The following GPC1 variants were observed in gnomAD, a reference collection of about 807,000 sequenced individuals.
The protein encoded by GPC1 is glypican 1.
GPC1 carries 26 observed loss-of-function variants against 51.5 expected under a neutral mutation model. The observed-to-expected ratio is 0.50, with a 90% CI of 0.37 to 0.70. GPC1 has a LOEUF of 0.70. Ranked by LOEUF, GPC1 falls within the 30% of genes least tolerant of loss-of-function variation. The probability of loss-of-function intolerance (pLI) is 0.00; values close to 1 mark genes in which losing one functional copy is unlikely to be tolerated. For synonymous variants in GPC1, 380 were observed against 348.3 expected, an observed-to-expected ratio of 1.09 and a Z score of -1.01; for missense variants, 775 against 800.5, an observed-to-expected ratio of 0.97 and a Z score of 0.38.
At position 240,448,049 on chromosome 2, in the gene GPC1, G is replaced by A. The variant is rs2074063621; in HGVS notation, c.167-10981G>A. ...CTGGGTGGAACACAGTGTCCCCAGGGCACAGTGACAGTGGAACGGCCGGAG... is the reference window on the plus strand; with the variant it reads ...CTGGGTGGAACACAGTGTCCCCAGGACACAGTGACAGTGGAACGGCCGGAG... On this transcript the variant is annotated intron_variant, in intron 1 of 8. Coordinates refer to ENST00000264039, the MANE Select transcript of GPC1 (RefSeq NM_002081.3). The surrounding 1 kb of genome is among the most constrained non-coding windows in gnomAD (Gnocchi z 4.5). Among the ~76,000 whole-genome samples, 1 of 152,154 alleles carries A rather than the reference G, an allele frequency of 6.6e-6. No individual in the cohort carries two copies. Among genetic ancestry groups the A allele is most frequent in the Admixed American group, 6.5e-5 (1 of 15,292 alleles).
At chr2:240,451,202 C>T (rs529593246) in intron 1 of GPC1, 128 of 471,194 alleles carry the variant, frequency 2.7e-4, no homozygotes, top group South Asian at 1.3e-3. Context: ...CTCTGGGATC[C>T]GGCCCAGCCT....
chr2:240,447,687 C>A (rs781520999), intron 1 of GPC1, among the ~76,000 whole-genome samples: 1 of 152,230 alleles, frequency 6.6e-6, no homozygotes, highest in Non-Finnish European at 1.5e-5. Flanking sequence ...GGCTCCACAC[C>A]GGCTGTGTGC....
At chr2:240,438,693 G>A (rs1463559146) in intron 1 of GPC1, among the ~76,000 whole-genome samples, 8 of 152,204 alleles carry the variant, frequency 5.3e-5, no homozygotes, top group Non-Finnish European at 1.0e-4. Context: ...CTGCCCCAGG[G>A]ACCAGAAAAG....
chr2:240,455,025 C>A, intron 1 of GPC1: 1 of 194,888 alleles, frequency 5.1e-6, no homozygotes, highest in Non-Finnish European at 1.2e-5. Context: ...TAAAAGGTAT[C>A]CAAAGTTAAG....
chr2:240,464,420 G>C, intron 4 of GPC1, 196 bp from the exon 5 acceptor site: 1 of 630,470 alleles, frequency 1.6e-6, no homozygotes, highest in African/African-American at 1.8e-5. Context: ...TGCACACGTG[G>C]GTGTGGGCCA....
intron 1 of GPC1, among the ~76,000 whole-genome samples, chr2:240,439,539 G>T (rs2074004723): frequency 6.6e-6 from 1 of 152,232 alleles, no homozygotes; most frequent in African/African-American, 2.4e-5. Flanking sequence ...CACTCGTTGG[G>T]CCCCTCCGAA....
intron 1 of GPC1, among the ~76,000 whole-genome samples, chr2:240,443,258 G>T (rs1379321566): frequency 1.3e-5 from 2 of 152,266 alleles, no homozygotes; most frequent in Non-Finnish European, 2.9e-5. Context: ...CCTTGGACAG[G>T]CCCCAGTCTC....
At position 240,457,466 on chromosome 2, in the gene GPC1, C is replaced by T. The variant is rs902109731; in HGVS notation, c.167-1564C>T. The T allele has an allele frequency of 6.4e-6, 3 of 470,614 alleles. No individual in the cohort carries two copies. The Admixed American group carries it at 7.0e-5, about 11-fold the overall frequency. The allele number at this position is 470,614 out of a possible 1,614,324, so 29.2% of individuals were successfully genotyped here. On this transcript the variant is annotated intron_variant, in intron 1 of 8. Transcript: ENST00000264039. Reference sequence around the variant, plus strand: ...TCAGTCTGACCCAGGCATTCAACCTCTGGGTAGTTACCTAGTCCTGGGTCC... The same window carrying T: ...TCAGTCTGACCCAGGCATTCAACCTTTGGGTAGTTACCTAGTCCTGGGTCC...
intron 4 of GPC1, chr2:240,464,282 A>C: frequency 2.9e-6 from 1 of 342,810 alleles, no homozygotes; most frequent in East Asian, 6.8e-5. Flanking sequence ...AGCTGGACCA[A>C]GGTGAGCCAG....
At position 240,444,150 on chromosome 2, in the gene GPC1, G is replaced by C. The variant is rs1035201275; in HGVS notation, c.166+8066G>C. Among the ~76,000 whole-genome samples the C allele has an allele frequency of 2.6e-5, 4 of 152,292 alleles. No individual in the cohort carries two copies. The East Asian group carries it at 7.7e-4, about 29-fold the overall frequency. On this transcript the variant is annotated intron_variant, in intron 1 of 8. Coordinates refer to ENST00000264039, the MANE Select transcript of GPC1 (RefSeq NM_002081.3). ...GGCCATGTGAGGACACACACCGCAG[G>C]AGGGCCCGGCCAGCCTCAGCCCAGC...
intron 2 of GPC1, among the ~76,000 whole-genome samples, chr2:240,461,064 C>T (rs962206324): frequency 1.3e-5 from 2 of 152,220 alleles, no homozygotes; most frequent in Non-Finnish European, 1.5e-5. Flanking sequence ...TGGATTTGGC[C>T]CATGGCCCTC....
chr2:240,464,443 G>A lies in GPC1; in HGVS notation c.884-173G>A, dbSNP rs1010490008. The A allele has an allele frequency of 1.7e-4, 129 of 746,472 alleles. 1 individual carries two copies. The African/African-American group carries it at 2.0e-3, about 11-fold the overall frequency. 46.2% of individuals were successfully genotyped at this position (746,472 alleles called of 1,614,324 possible). A position where few individuals can be genotyped will look rare whatever the true frequency, so the allele number is the denominator to read the frequency against. Reference sequence around the variant, plus strand: ...TGGGTGTGGGCCAAGCTGAGTGCACGTGGCCTGCACATGTCACACGGGCCA... The same window carrying A: ...TGGGTGTGGGCCAAGCTGAGTGCACATGGCCTGCACATGTCACACGGGCCA... On this transcript the variant is annotated intron_variant, in intron 4 of 8. Coordinates refer to ENST00000264039, the MANE Select transcript of GPC1 (RefSeq NM_002081.3).
chr2:240,456,370 G>A (rs1436986400), intron 1 of GPC1, among the ~76,000 whole-genome samples: 1 of 152,146 alleles, frequency 6.6e-6, no homozygotes, highest in Admixed American at 6.5e-5. Flanking sequence ...GGCACAGGAG[G>A]AGCCGGCGGG....
Position 240,466,267 on chromosome 2 carries a change from G to C in GPC1, c.1654G>C (p.Val552Leu). 1 of 1,603,896 alleles carries C rather than the reference G, an allele frequency of 6.2e-7. No individual in the cohort carries two copies. The highest frequency in any genetic ancestry group is 1.1e-5 in the South Asian group (1 of 90,870). ...LPLLLFLALT[V>L]ARPRWR is the part of the protein sequence containing the mutation. ...CCTCCTCCTCTTCCTGGCCCTTACA[G>C]TAGCCAGGCCCCGGTGGCGGTAACT... The change falls in exon 9 of 9, where the codon GTA (valine) becomes CTA (leucine). Residue 552 changes from valine to leucine, a missense_variant. Physicochemically the swap from Val to Leu is conservative, Grantham distance 32 (BLOSUM62 1). Transcript: ENST00000264039.
At chr2:240,459,533 C>T (rs1443870660) in intron 2 of GPC1, among the ~76,000 whole-genome samples, 1 of 152,224 alleles carries the variant, frequency 6.6e-6, no homozygotes, top group Non-Finnish European at 1.5e-5. Flanking sequence ...TGGCCAAATC[C>T]TGCCTGCAGC....
At chr2:240,443,130 G>A (rs1230951343) in intron 1 of GPC1, among the ~76,000 whole-genome samples, 4 of 152,270 alleles carry the variant, frequency 2.6e-5, no homozygotes, top group East Asian at 3.9e-4. Flanking sequence ...GGATGCCGCC[G>A]CCTGTGCCGT....
chr2:240,463,957 A>G (rs565505194), intron 4 of GPC1: 1 of 224,698 alleles, frequency 4.5e-6, no homozygotes, highest in East Asian at 1.2e-4. Context: ...GCATGTGATG[A>G]CATGAGCTGG....
At chr2:240,457,500 G>T (rs1386839423) in intron 1 of GPC1, 1 of 469,292 alleles carries the variant, frequency 2.1e-6, no homozygotes, top group Non-Finnish European at 4.4e-6. Context: ...CCCCACCCCA[G>T]ATGGCCTCTA....
intron 1 of GPC1, chr2:240,457,960 C>G (rs965152047): frequency 1.8e-5 from 8 of 451,680 alleles, no homozygotes; most frequent in Non-Finnish European, 3.8e-5. Context: ...GCTTCCACCT[C>G]TCCACTGTGC....
Sources: gnomAD v4.1 joint callset for allele counts (sites outside exome capture counted in the v4.1 genomes callset) on GRCh38, gnomAD v4.1.1 for gene constraint, Gnocchi (gnomAD v3.1) non-coding constraint, MANE v1.5 for transcripts, NCBI Gene and HGNC (gene_info 2026-07-23, HGNC 2026-07-21) for gene names.